Variants in NIPAL2 observed in about 807,000 individuals in gnomAD.
NIPAL2 encodes the protein NIPA like domain containing 2.
In NIPAL2, 43 loss-of-function variants were observed where a neutral mutation model predicts 48.9. The ratio of observed to expected loss-of-function variants is 0.88; its 90% CI spans 0.69 to 1.13. The LOEUF is 1.13. Among genes scored for constraint, NIPAL2 ranks in the 50% most tolerant of loss-of-function variants. NIPAL2 has a pLI of 0.00. For synonymous variants in NIPAL2, 167 were observed against 174.6 expected, an observed-to-expected ratio of 0.96 and a Z score of 0.34; for missense variants, 446 against 461.4, an observed-to-expected ratio of 0.97 and a Z score of 0.31.
Position 98,264,972 on chromosome 8 carries a change from C to T in NIPAL2, c.136-10885G>A, listed in dbSNP as rs879459672. On this transcript the variant is annotated intron_variant, in intron 1 of 10. Transcript: ENST00000430223. Reference sequence around the variant, plus strand: ...AACAGAACAGAGCCCTCAGAAATAACGCCACATATCTACAACTATCTGATC... The same window carrying T: ...AACAGAACAGAGCCCTCAGAAATAATGCCACATATCTACAACTATCTGATC... Among the ~76,000 whole-genome samples the T allele has an allele frequency of 4.1e-4, 60 of 145,770 alleles. No individual in the cohort carries two copies. In the East Asian group the frequency reaches 6.1e-3, roughly 15 times the overall value.
chr8:98,290,761 T>TG (rs1183447107), intron 1 of NIPAL2, among the ~76,000 whole-genome samples: 1 of 152,062 alleles, frequency 6.6e-6, no homozygotes, highest in East Asian at 1.9e-4. Context: ...AAAATGCATA[T>TG]GGGGGTCAGT....
intron 2 of NIPAL2, 76 bp downstream of exon 2, chr8:98,253,943 G>T: frequency 1.2e-6 from 1 of 845,880 alleles, no homozygotes; most frequent in Non-Finnish European, 1.8e-6. Flanking sequence ...AAAGACAAAA[G>T]TGCCCAATGC....
intron 8 of NIPAL2, among the ~76,000 whole-genome samples, chr8:98,202,730 T>A (rs1378803033): frequency 6.6e-6 from 1 of 152,140 alleles, no homozygotes; most frequent in Non-Finnish European, 1.5e-5. Flanking sequence ...AATTACTCCG[T>A]CTCAGGTATT....
chr8:98,278,001 A>C (rs565816095), intron 1 of NIPAL2, among the ~76,000 whole-genome samples: 1 of 152,212 alleles, frequency 6.6e-6, no homozygotes, highest in East Asian at 1.9e-4. Context: ...AAATTCTTTG[A>C]ATTGCAAACT....
chr8:98,233,475 T>C (rs1396182619), intron 4 of NIPAL2, among the ~76,000 whole-genome samples: 1 of 152,152 alleles, frequency 6.6e-6, no homozygotes, highest in Non-Finnish European at 1.5e-5. Context: ...TTTGCATTTT[T>C]CAAAGTACTT....
intron 1 of NIPAL2, among the ~76,000 whole-genome samples, chr8:98,266,916 G>A (rs1042949682): frequency 6.6e-6 from 1 of 152,006 alleles, no homozygotes; most frequent in Admixed American, 6.6e-5. Flanking sequence ...TAATAATAAA[G>A]CTTTATTTTG....
rs371067587 is a variant in NIPAL2, at chr8:98,236,499, G to C, written c.377-285C>G. On this transcript the variant is annotated intron_variant, in intron 3 of 10. Coordinates refer to ENST00000430223, the MANE Select transcript of NIPAL2 (RefSeq NM_001321635.2). ...CAGAACAAATGAAAGAAAGAAGAAA[G>C]GCAGAAAGAGCAGGAAGGGGCAGAA... is the stretch of plus-strand genomic sequence containing the variant. Among the ~76,000 whole-genome samples the C allele has an allele frequency of 4.0e-5, 6 of 151,572 alleles. No homozygotes were observed. The South Asian group carries it at 8.3e-4, about 21-fold the overall frequency.
At chr8:98,265,547 G>A (rs1230201841) in intron 1 of NIPAL2, among the ~76,000 whole-genome samples, 5,491 of 123,150 alleles carry the variant, frequency 0.045, 316 homozygotes, top group African/African-American at 0.13. Flanking sequence ...ATCATCACTG[G>A]CCATCAGAGA....
chr8:98,284,940 T>C (rs149008546), intron 1 of NIPAL2, among the ~76,000 whole-genome samples: 3 of 152,276 alleles, frequency 2.0e-5, no homozygotes, highest in Admixed American at 2.0e-4. Flanking sequence ...TTATTCCCTT[T>C]AATTTTTCTA....
chr8:98,219,232 T>C (rs1243528365), intron 5 of NIPAL2, among the ~76,000 whole-genome samples: 2 of 152,154 alleles, frequency 1.3e-5, no homozygotes, highest in African/African-American at 4.8e-5. Flanking sequence ...GATAAGAATA[T>C]AGATCTGGAG....
In NIPAL2 at chr8:98,222,462, AT is replaced by A. The variant is rs1811940930; in HGVS notation, c.558+16del. On this transcript the variant is annotated intron_variant, in intron 5 of 10. Coordinates refer to ENST00000430223, the MANE Select transcript of NIPAL2 (RefSeq NM_001321635.2). ...ATAATATAGCTTCGGGGATAGTAAA[AT>A]ATTTAGAATTCTTACCACATAGATC... is the stretch of plus-strand genomic sequence containing the variant. The A allele has an allele frequency of 6.2e-7, 1 of 1,610,976 alleles. No individual in the cohort carries two copies. The highest frequency in any genetic ancestry group is 1.3e-5 in the African/African-American group (1 of 74,896).
chr8:98,226,950 AC>A (rs1401449080), intron 4 of NIPAL2, among the ~76,000 whole-genome samples: 33 of 152,262 alleles, frequency 2.2e-4, no homozygotes, highest in African/African-American at 7.7e-4. Flanking sequence ...GTTCTATTCT[AC>A]TGCAGCTAGG....
chr8:98,212,882 A>C (rs1811391868), intron 5 of NIPAL2, among the ~76,000 whole-genome samples: 1 of 152,128 alleles, frequency 6.6e-6, no homozygotes, highest in South Asian at 2.1e-4. Flanking sequence ...AGTTAGTGGC[A>C]TTCCCACACT....
At chr8:98,194,970 T>C (rs1810477996) in intron 9 of NIPAL2, 148 bp from the exon 10 acceptor site, 3 of 454,548 alleles carry the variant, frequency 6.6e-6, no homozygotes, top group African/African-American at 2.0e-5. Flanking sequence ...GTACTTGTCT[T>C]AATTAGCACA....
intron 6 of NIPAL2, 80 bp from the exon 7 acceptor site, chr8:98,205,326 G>C (rs2130707030): frequency 8.1e-7 from 1 of 1,240,610 alleles, no homozygotes; most frequent in East Asian, 2.3e-5. Flanking sequence ...ATGTAGTAGA[G>C]TAGCAAATAT....
At position 98,192,858 on chromosome 8, in the gene NIPAL2, G is replaced by C. The variant is rs1810359527; in HGVS notation, c.*120C>G. On this transcript the variant is annotated 3_prime_UTR_variant, in exon 11 of 11. Transcript: ENST00000430223. ...CCATAGACGCTGAGGTGGGGGAAAG[G>C]ACTGAAATGAATGCTAGCACATGTT... The C allele has an allele frequency of 3.0e-6, 2 of 671,272 alleles. No individual in the cohort carries two copies. The highest frequency in any genetic ancestry group is 4.5e-5 in the Admixed American group (2 of 44,058). The allele number at this position is 671,272 out of a possible 1,614,324, so 41.6% of individuals were successfully genotyped here.
At position 98,203,111 on chromosome 8, in the gene NIPAL2, C is replaced by A; in HGVS notation, c.877G>T (p.Ala293Ser). The A allele has an allele frequency of 6.2e-7, 1 of 1,612,440 alleles. No individual in the cohort carries two copies. Among genetic ancestry groups the A allele is most frequent in the African/African-American group, 1.3e-5 (1 of 74,996 alleles). ...HIFFTISAII[A>S]GIIFYQEFLG... ...TGTATAGAAAACCAAAACTCACCTG[C>A]AATGATGGCACTGATTGTAAAGAAA... The change falls in exon 8 of 11, where the codon GCA (alanine) becomes TCA (serine). Residue 293 changes from alanine (A) to serine (S), a missense_variant. Physicochemically the swap from Ala to Ser is moderately conservative, Grantham distance 99. Coordinates refer to ENST00000430223, the MANE Select transcript of NIPAL2 (RefSeq NM_001321635.2).
intron 4 of NIPAL2, among the ~76,000 whole-genome samples, chr8:98,232,193 T>C (rs1812472017): frequency 6.6e-6 from 1 of 152,180 alleles, no homozygotes; most frequent in Non-Finnish European, 1.5e-5. Context: ...AGGATATCGC[T>C]TGTTGGAGGC....
Position 98,228,080 on chromosome 8 carries a change from T to C in NIPAL2, c.437-5480A>G, listed in dbSNP as rs1362869294. On this transcript the variant is annotated intron_variant, in intron 4 of 10. Transcript: ENST00000430223. ...CTTCCCCGAGTGTGCAGATTCTCTG[T>C]GCCACTTGGCCACTGCTGGAGGATG... Among the ~76,000 whole-genome samples the C allele has an allele frequency of 2.0e-5, 3 of 152,220 alleles. No homozygotes were observed. The East Asian group carries it at 5.8e-4, about 29-fold the overall frequency.
Sources: allele counts gnomAD v4.1 joint callset (sites outside exome capture counted in the v4.1 genomes callset), GRCh38; gene constraint gnomAD v4.1.1; transcripts MANE v1.5; gene names NCBI Gene and HGNC (gene_info 2026-07-23, HGNC 2026-07-21).